The following DLG2 variants were observed in gnomAD, a reference collection of about 807,000 sequenced individuals.
The protein encoded by DLG2 is disks large homolog 2.
Under a neutral mutation model 132.5 loss-of-function variants are expected in DLG2, and 45 were observed. The ratio of observed to expected loss-of-function variants is 0.34; its 90% CI spans 0.27 to 0.44. The LOEUF (loss-of-function observed/expected upper bound fraction) is 0.44, where lower values mean the gene tolerates loss of function less well. Ranked by LOEUF, DLG2 falls within the 20% of genes least tolerant of loss-of-function variation. DLG2 has a pLI of 1.00. For synonymous variants in DLG2, 424 were observed against 419.6 expected (o/e 1.01, Z -0.13); for missense variants, 1,045 against 1,196.9 (o/e 0.87, Z 1.87).
intron 7 of DLG2, among the ~76,000 whole-genome samples, chr11:84,270,179 C>G (rs990789175): frequency 1.3e-5 from 2 of 152,190 alleles, no homozygotes; most frequent in Admixed American, 1.3e-4. Flanking sequence ...GTCCTTATGC[C>G]TCCAATGATG....
chr11:83,969,937 TA>T (rs34554842), intron 12 of DLG2, among the ~76,000 whole-genome samples: 200 of 145,088 alleles, frequency 1.4e-3, no homozygotes, highest in East Asian at 2.0e-3. Flanking sequence ...GTGTTTCCTC[TA>T]AAAAAAAAAA....
intron 19 of DLG2, among the ~76,000 whole-genome samples, chr11:83,564,102 G>T (rs1593286558): frequency 2.7e-5 from 4 of 146,414 alleles, no homozygotes; most frequent in African/African-American, 2.5e-5. Flanking sequence ...TTTTTCATGT[G>T]TTTTTTTTTT....
intron 3 of DLG2, among the ~76,000 whole-genome samples, chr11:85,293,245 G>C (rs1429274996): frequency 6.6e-6 from 1 of 152,036 alleles, no homozygotes; most frequent in Non-Finnish European, 1.5e-5. Context: ...GCATTGTATA[G>C]CCTTATAGTA....
At chr11:84,521,190 G>A (rs985453839) in intron 7 of DLG2, among the ~76,000 whole-genome samples, 5 of 152,184 alleles carry the variant, frequency 3.3e-5, no homozygotes, top group East Asian at 3.8e-4. Context: ...TTGGTCTAGC[G>A]TCAACAACCT....
At chr11:83,477,711 A>C (rs1215924869) in intron 22 of DLG2, among the ~76,000 whole-genome samples, 1 of 151,628 alleles carries the variant, frequency 6.6e-6, no homozygotes, top group Middle Eastern at 3.2e-3. Context: ...TAACAGTGAA[A>C]TACAACACCT....
At chr11:84,490,475 A>G (rs10898244) in intron 7 of DLG2, among the ~76,000 whole-genome samples, 24,256 of 151,874 alleles carry the variant, frequency 0.16, 2,637 homozygotes, top group African/African-American at 0.31. Flanking sequence ...AGCTCAGGAA[A>G]ACTGAGCCCT....
At chr11:85,198,559 C>T (rs1166658928) in intron 4 of DLG2, among the ~76,000 whole-genome samples, 1 of 151,852 alleles carries the variant, frequency 6.6e-6, no homozygotes, top group Non-Finnish European at 1.5e-5. Context: ...AAATTGAAGG[C>T]AAGTTTACAG....
intron 6 of DLG2, among the ~76,000 whole-genome samples, chr11:84,954,296 G>C (rs2051341026): frequency 6.7e-6 from 1 of 149,430 alleles, no homozygotes; most frequent in East Asian, 2.0e-4. Flanking sequence ...AGCAATATGA[G>C]TTTCAAGAAT....
At chr11:85,034,276 C>T (rs570432028) in intron 6 of DLG2, among the ~76,000 whole-genome samples, 1 of 152,158 alleles carries the variant, frequency 6.6e-6, no homozygotes, top group African/African-American at 2.4e-5. Flanking sequence ...GACGGAGTTT[C>T]ACCATGTTAG....
At chr11:85,254,001 G>C (rs1365526195) in intron 4 of DLG2, among the ~76,000 whole-genome samples, 1 of 152,128 alleles carries the variant, frequency 6.6e-6, no homozygotes. Flanking sequence ...TATGGGCACA[G>C]GATCGGGGGC....
intron 4 of DLG2, among the ~76,000 whole-genome samples, chr11:85,264,769 G>A (rs917469108): frequency 1.3e-5 from 2 of 152,070 alleles, no homozygotes; most frequent in South Asian, 2.1e-4. Context: ...TGCCCCCAGG[G>A]GTTTTTCGCA....
intron 3 of DLG2, chr11:85,469,223 A>G (rs2092907273): frequency 6.6e-6 from 1 of 152,224 alleles, no homozygotes; most frequent in South Asian, 2.1e-4. Context: ...TTTGGTCAAA[A>G]GAGCTATCAT....
At chr11:83,810,212 T>C (rs1307392871) in intron 17 of DLG2, among the ~76,000 whole-genome samples, 1 of 152,064 alleles carries the variant, frequency 6.6e-6, no homozygotes, top group Non-Finnish European at 1.5e-5. Context: ...GGTGTGATTT[T>C]CAACCAAAAA....
chr11:84,342,292 A>G (rs1301631207), intron 7 of DLG2, among the ~76,000 whole-genome samples: 3 of 152,236 alleles, frequency 2.0e-5, no homozygotes, highest in African/African-American at 7.2e-5. Context: ...CCAGCACCAG[A>G]AAGGAATGCC....
chr11:84,770,180 C>T (rs549744533), intron 6 of DLG2, among the ~76,000 whole-genome samples: 1 of 152,254 alleles, frequency 6.6e-6, no homozygotes, highest in African/African-American at 2.4e-5. Flanking sequence ...GGCTGTGTGA[C>T]ATTCCTATTC....
intron 15 of DLG2, among the ~76,000 whole-genome samples, chr11:83,891,064 C>T (rs1219856005): frequency 6.6e-6 from 1 of 152,068 alleles, no homozygotes; most frequent in Non-Finnish European, 1.5e-5. Flanking sequence ...AGAGATATCT[C>T]ATTAAATAGA....
intron 8 of DLG2, among the ~76,000 whole-genome samples, chr11:84,189,066 T>G (rs1451568887): frequency 6.6e-6 from 1 of 152,228 alleles, no homozygotes; most frequent in Non-Finnish European, 1.5e-5. Context: ...TATTGAATAC[T>G]GCAGGTGCAA....
chr11:84,304,997 C>T (rs954886682), intron 7 of DLG2, among the ~76,000 whole-genome samples: 1 of 152,084 alleles, frequency 6.6e-6, no homozygotes. Context: ...ATACAACTGA[C>T]TACACATATT....
At chr11:83,754,188 C>A (rs1308799753) in intron 18 of DLG2, among the ~76,000 whole-genome samples, 1 of 150,064 alleles carries the variant, frequency 6.7e-6, no homozygotes, top group Admixed American at 6.6e-5. Context: ...AATACTTGAC[C>A]CCCGCAAAAA....
Sources: gnomAD v4.1 joint callset for allele counts (sites outside exome capture counted in the v4.1 genomes callset) on GRCh38, gnomAD v4.1.1 for gene constraint, MANE v1.5 for transcripts, NCBI Gene and HGNC (gene_info 2026-07-23, HGNC 2026-07-21) for gene names.